AR: variants seen among roughly 807,000 people sequenced by gnomAD.
The protein encoded by AR is dihydrotestosterone receptor.
Under a neutral mutation model 53.9 loss-of-function variants are expected in AR, and 8 were observed. The ratio of observed to expected loss-of-function variants is 0.15; its 90% CI spans 0.09 to 0.27. AR has a LOEUF of 0.27. AR is among the 10% of genes least tolerant of loss of function. The pLI is 1.00. For missense variants in AR, 639 were observed against 742.5 expected (o/e 0.86, Z 1.62); for synonymous variants, 359 against 316.4 (o/e 1.13, Z -1.43).
chrX:67,695,975 T>C (rs2076018789), intron 3 of AR: 3 of 753,661 alleles, frequency 4.0e-6, no homozygotes, highest in Non-Finnish European at 4.7e-6. Context: ...CTAATGTGGA[T>C]TGAAAGGCTA....
intron 3 of AR, among the ~76,000 whole-genome samples, chrX:67,692,469 G>A (rs1291955484): frequency 8.9e-6 from 1 of 111,954 alleles, no homozygotes; most frequent in Non-Finnish European, 1.9e-5. Context: ...TGAAACTCTG[G>A]GGATTTTTTT....
chrX:67,635,088 G>T (rs1405434035), intron 1 of AR, among the ~76,000 whole-genome samples: 3 of 101,012 alleles, frequency 3.0e-5, no homozygotes, highest in Admixed American at 1.1e-4. Context: ...TAAAAGCTCT[G>T]CATAGCCAAG....
chrX:67,689,704 C>A, intron 3 of AR: 1 of 862,977 alleles, frequency 1.2e-6, no homozygotes, highest in Non-Finnish European at 1.4e-6. Context: ...CATTTGAAAA[C>A]CACATATTGT....
chrX:67,662,442 A>T (rs1447794092), intron 2 of AR, among the ~76,000 whole-genome samples: 2 of 111,123 alleles, frequency 1.8e-5, no homozygotes, highest in African/African-American at 6.6e-5. Context: ...CCTTCATTTC[A>T]TTATGTACCT....
At chrX:67,712,405 A>G (rs2076097479) in intron 4 of AR, among the ~76,000 whole-genome samples, 1 of 112,548 alleles carries the variant, frequency 8.9e-6, no homozygotes, top group Admixed American at 9.4e-5. Context: ...AAGTTGGATA[A>G]CAGAAGTTCC....
At chrX:67,722,287 A>G in intron 6 of AR, 1 of 271,209 alleles carries the variant, frequency 3.7e-6, no homozygotes, top group South Asian at 5.0e-5. Flanking sequence ...AGAAACAGAC[A>G]TGGGCCACCT....
chrX:67,557,031 T>C (rs1921084803), intron 1 of AR, among the ~76,000 whole-genome samples: 2 of 111,171 alleles, frequency 1.8e-5, no homozygotes, highest in African/African-American at 6.6e-5. Context: ...CAGGGTAACA[T>C]GACCTGACTT....
At chrX:67,639,409 A>G (rs1291002201) in intron 1 of AR, among the ~76,000 whole-genome samples, 2 of 111,842 alleles carry the variant, frequency 1.8e-5, no homozygotes, top group African/African-American at 6.5e-5. Context: ...CACTTTGGGC[A>G]GTTTGGCCAT....
intron 2 of AR, among the ~76,000 whole-genome samples, chrX:67,655,180 A>G (rs758454587): frequency 1.8e-5 from 2 of 110,051 alleles, no homozygotes; most frequent in African/African-American, 6.6e-5. Context: ...CCAAAGCTCC[A>G]TCTGAAGAGA....
At chrX:67,709,507 G>T (rs182431542) in intron 3 of AR, among the ~76,000 whole-genome samples, 4 of 112,109 alleles carry the variant, frequency 3.6e-5, no homozygotes, top group Non-Finnish European at 5.6e-5. Flanking sequence ...TATTAGGGTG[G>T]GAGTGACCCA....
chrX:67,616,857 A>G (rs1924143323), intron 1 of AR, among the ~76,000 whole-genome samples: 1 of 111,161 alleles, frequency 9.0e-6, no homozygotes, highest in African/African-American at 3.3e-5. Flanking sequence ...ACCAGCAAAC[A>G]CGCTGGTCCT....
At chrX:67,586,004 T>C in intron 1 of AR, among the ~76,000 whole-genome samples, 1 of 112,077 alleles carries the variant, frequency 8.9e-6, no homozygotes, top group Non-Finnish European at 1.9e-5. Flanking sequence ...TATCTGCTGT[T>C]CCTGCTATGG....
Position 67,722,921 on chromosome X carries a change from A to G in AR, c.2544A>G (p.Lys848=). The G allele has an allele frequency of 8.3e-7, 1 of 1,211,374 alleles. No homozygotes were observed. Among genetic ancestry groups the G allele is most frequent in the Non-Finnish European group, 1.1e-6 (1 of 895,324 alleles). The change falls in exon 7 of 8, where the codon AAA becomes AAG. Residue 848 remains lysine (K), a synonymous_variant. Coordinates refer to ENST00000374690, the MANE Select transcript of AR (RefSeq NM_000044.6). ...ELDRIIACKR[K]NPTSCSRRFY... ...ATCGTATCATTGCATGCAAAAGAAAAAATCCCACATCCTGCTCAAGACGCT... is the reference window on the plus strand; with the variant it reads ...ATCGTATCATTGCATGCAAAAGAAAGAATCCCACATCCTGCTCAAGACGCT...
chrX:67,606,725 T>C (rs1248992500), intron 1 of AR, among the ~76,000 whole-genome samples: 1 of 112,562 alleles, frequency 8.9e-6, no homozygotes, highest in African/African-American at 3.2e-5. Flanking sequence ...TATTAGTTTG[T>C]ATGCCTTTAG....
intron 2 of AR, among the ~76,000 whole-genome samples, chrX:67,656,593 C>A (rs1926605933): frequency 9.0e-6 from 1 of 111,708 alleles, no homozygotes; most frequent in Non-Finnish European, 1.9e-5. Context: ...ATACTTAATC[C>A]TCACAACAAT....
intron 1 of AR, among the ~76,000 whole-genome samples, chrX:67,642,920 A>G (rs1925861367): frequency 9.0e-6 from 1 of 111,715 alleles, no homozygotes; most frequent in African/African-American, 3.3e-5. Flanking sequence ...ATATCATTTA[A>G]TTAGTCTGAA....
At chrX:67,691,604 C>T (rs1221764838) in intron 3 of AR, among the ~76,000 whole-genome samples, 1 of 111,679 alleles carries the variant, frequency 9.0e-6, no homozygotes, top group Non-Finnish European at 1.9e-5. Context: ...CTCTGGAATA[C>T]ACTTTCGAAA....
chrX:67,705,465 A>G (rs1205389812), intron 3 of AR, among the ~76,000 whole-genome samples: 1 of 111,416 alleles, frequency 9.0e-6, no homozygotes, highest in Non-Finnish European at 1.9e-5. Flanking sequence ...TTGGTGTATA[A>G]GAATGCTTGT....
In AR at chrX:67,545,051, C is replaced by T; in HGVS notation, c.-96C>T. 9.3e-6 allele frequency: 10 copies of T among 1,078,414 alleles called. No homozygotes were observed. Among genetic ancestry groups the T allele is most frequent in the Non-Finnish European group, 9.7e-6 (8 of 821,415 alleles). 88.9% of individuals were successfully genotyped at this position (1,078,414 alleles called of 1,213,427 possible). On this transcript the variant is annotated 5_prime_UTR_variant, in exon 1 of 8. Transcript: ENST00000374690. ...CCCGCAGGTGGGCAGCTAGCTGCAG[C>T]GACTACCGCATCATCACAGCCTGTT...
Sources: allele counts gnomAD v4.1 joint callset (sites outside exome capture counted in the v4.1 genomes callset), GRCh38; gene constraint gnomAD v4.1.1; transcripts MANE v1.5; gene names NCBI Gene and HGNC (gene_info 2026-07-23, HGNC 2026-07-21).